SLC39A11: variants seen among roughly 807,000 people sequenced by gnomAD.
SLC39A11 encodes zinc transporter ZIP11.
A neutral mutation model predicts 36.1 loss-of-function variants in SLC39A11; 33 were observed. The observed-to-expected ratio is 0.91, with a 90% CI of 0.69 to 1.22. The LOEUF (loss-of-function observed/expected upper bound fraction) is 1.22. Ranked by LOEUF, SLC39A11 falls within the 50% of genes most tolerant of loss-of-function variation. SLC39A11 has a pLI of 0.00. For synonymous variants in SLC39A11, 166 were observed against 170.3 expected, an observed-to-expected ratio of 0.97 and a Z score of 0.20; for missense variants, 432 against 430.3, an observed-to-expected ratio of 1.00 and a Z score of -0.03.
intron 7 of SLC39A11, among the ~76,000 whole-genome samples, chr17:72,711,485 C>T (rs1246628957): frequency 6.6e-6 from 1 of 152,216 alleles, no homozygotes; most frequent in East Asian, 1.9e-4. Flanking sequence ...ATCTAAGTCA[C>T]AGATGACCGT....
intron 7 of SLC39A11, among the ~76,000 whole-genome samples, chr17:72,683,610 G>A (rs1187063028): frequency 6.6e-6 from 1 of 152,020 alleles, no homozygotes; most frequent in Non-Finnish European, 1.5e-5. Flanking sequence ...GTGCTGGTGT[G>A]AGCCACTGCG....
chr17:72,767,526 G>C (rs1014350660), intron 6 of SLC39A11, among the ~76,000 whole-genome samples: 2 of 152,178 alleles, frequency 1.3e-5, no homozygotes, highest in African/African-American at 4.8e-5. Context: ...CATGTCAGGT[G>C]GTACTAAGTG....
At chr17:72,924,950 C>T (rs894512689) in intron 5 of SLC39A11, among the ~76,000 whole-genome samples, 1 of 143,792 alleles carries the variant, frequency 7.0e-6, no homozygotes, top group African/African-American at 2.7e-5. Flanking sequence ...TGCAGTGAGC[C>T]GAGATTGTGC....
chr17:72,678,473 G>A (rs914141025), intron 7 of SLC39A11, among the ~76,000 whole-genome samples: 4 of 152,064 alleles, frequency 2.6e-5, no homozygotes, highest in Non-Finnish European at 5.9e-5. Context: ...TTGGGAGGCC[G>A]AGGCGGGCAG....
chr17:72,907,912 C>T (rs907398211), intron 5 of SLC39A11, among the ~76,000 whole-genome samples: 1 of 152,180 alleles, frequency 6.6e-6, no homozygotes, highest in Non-Finnish European at 1.5e-5. Flanking sequence ...GGAGACAGGT[C>T]GTTCCTGGAC....
intron 5 of SLC39A11, among the ~76,000 whole-genome samples, chr17:72,920,739 C>A (rs2083617578): frequency 6.9e-6 from 1 of 144,098 alleles, no homozygotes; most frequent in South Asian, 2.3e-4. Flanking sequence ...TACAACTACA[C>A]CCCATACACA....
chr17:73,047,991 ATATATATAT>A (rs1407626921), intron 3 of SLC39A11, among the ~76,000 whole-genome samples: 42 of 35,962 alleles, frequency 1.2e-3, no homozygotes, highest in African/African-American at 2.1e-3. Flanking sequence ...AAAAAAAAAA[ATATATATAT>A]ATATATATAT....
chr17:73,030,370 G>C (rs1294760075), intron 4 of SLC39A11, among the ~76,000 whole-genome samples: 1 of 152,182 alleles, frequency 6.6e-6, no homozygotes, highest in Non-Finnish European at 1.5e-5. Context: ...TTTTACATTA[G>C]CCCAGGACCT....
chr17:72,968,160 A>T (rs1279762417), intron 4 of SLC39A11, among the ~76,000 whole-genome samples: 1 of 152,182 alleles, frequency 6.6e-6, no homozygotes, highest in Non-Finnish European at 1.5e-5. Context: ...TGTCCAGAAA[A>T]TTAGCTGTTG....
At chr17:72,992,283 G>A (rs184651968) in intron 4 of SLC39A11, among the ~76,000 whole-genome samples, 2 of 152,174 alleles carry the variant, frequency 1.3e-5, no homozygotes, top group East Asian at 1.9e-4. Context: ...GAACCCAGGA[G>A]GTGGAGGTGG....
At chr17:72,775,116 C>T (rs1012823957) in intron 6 of SLC39A11, among the ~76,000 whole-genome samples, 6 of 152,266 alleles carry the variant, frequency 3.9e-5, no homozygotes, top group Admixed American at 2.0e-4. Context: ...TTGTTTTGCT[C>T]GCTTTCAGCA....
chr17:72,906,639 CT>C (rs2082670804), intron 5 of SLC39A11, among the ~76,000 whole-genome samples: 1 of 152,198 alleles, frequency 6.6e-6, no homozygotes, highest in Non-Finnish European at 1.5e-5. Flanking sequence ...GGCAACTCAC[CT>C]GAAACAGACC....
At chr17:72,754,208 C>T (rs2075282221) in intron 6 of SLC39A11, among the ~76,000 whole-genome samples, 1 of 151,850 alleles carries the variant, frequency 6.6e-6, no homozygotes. Flanking sequence ...GAAAACCAAA[C>T]ATCATATGTT....
Position 72,947,771 on chromosome 17 carries a change from A to T in SLC39A11, c.411T>A (p.Ser137Arg). ...PEGPALLFPE[S>R]ELSIRIDKSE... ...CTCTACCTATCCGGATGGAAAGTTCACTCTCAGGGAAGAGCAGCGCGGGAC... is the reference window on the plus strand; with the variant it reads ...CTCTACCTATCCGGATGGAAAGTTCTCTCTCAGGGAAGAGCAGCGCGGGAC... The change falls in exon 5 of 10, where the codon AGT (serine) becomes AGA (arginine). Residue 137 changes from serine to arginine, a missense_variant. Physicochemically the swap from Ser to Arg is moderately radical, Grantham distance 110 (BLOSUM62 -1). Transcript: ENST00000255559. 6.2e-7 allele frequency: 1 copy of T among 1,613,998 alleles called. No individual in the cohort carries two copies. Among genetic ancestry groups the T allele is most frequent in the East Asian group, 2.2e-5 (1 of 44,878 alleles).
intron 4 of SLC39A11, among the ~76,000 whole-genome samples, chr17:72,978,217 C>CCT (rs1043869596): frequency 2.2e-5 from 3 of 138,262 alleles, no homozygotes; most frequent in Non-Finnish European, 3.3e-5. Flanking sequence ...CCTCTTCCTT[C>CCT]CTTCCTTCCT....
In SLC39A11 at chr17:72,691,089, G is replaced by A. The variant is rs533710345; in HGVS notation, c.672-41821C>T. On this transcript the variant is annotated intron_variant, in intron 7 of 9. Transcript: ENST00000255559. ...GATTCCATACATGGAGTCTGCACAG[G>A]TGAGGGCAGACTAGGGGTGGGGGAC... Among the ~76,000 whole-genome samples the A allele has an allele frequency of 6.6e-5, 10 of 152,322 alleles. No individual in the cohort carries two copies. The East Asian group carries it at 1.9e-3, about 29-fold the overall frequency.
intron 4 of SLC39A11, among the ~76,000 whole-genome samples, chr17:72,997,649 C>T (rs1263343843): frequency 1.3e-5 from 2 of 152,170 alleles, no homozygotes; most frequent in African/African-American, 4.8e-5. Flanking sequence ...TGGAAAATTC[C>T]AAAAATAATT....
chr17:73,062,867 G>T (rs2059890240), intron 3 of SLC39A11, among the ~76,000 whole-genome samples: 1 of 152,158 alleles, frequency 6.6e-6, no homozygotes, highest in African/African-American at 2.4e-5. Flanking sequence ...TTGTGCTCCT[G>T]TGAGAATCTA....
chr17:72,746,659 ACC>A (rs2074950450), intron 6 of SLC39A11, among the ~76,000 whole-genome samples: 1 of 152,250 alleles, frequency 6.6e-6, no homozygotes, highest in South Asian at 2.1e-4. Context: ...AATGGTGTGA[ACC>A]CAGGAGGCGG....
Sources: gnomAD v4.1 joint callset for allele counts (sites outside exome capture counted in the v4.1 genomes callset) on GRCh38, gnomAD v4.1.1 for gene constraint, MANE v1.5 for transcripts, NCBI Gene and HGNC (gene_info 2026-07-23, HGNC 2026-07-21) for gene names.